Variants in PIK3CG observed in about 807,000 individuals in gnomAD.
PIK3CG encodes the protein phosphatidylinositol-4,5-bisphosphate 3-kinase catalytic subunit gamma.
Under a neutral mutation model 102.3 loss-of-function variants are expected in PIK3CG, and 55 were observed. The observed-to-expected ratio is 0.54, with a 90% CI of 0.43 to 0.67. The LOEUF (loss-of-function observed/expected upper bound fraction) is 0.67, where lower values mean the gene tolerates loss of function less well. Among genes scored for constraint, PIK3CG ranks in the 30% least tolerant of loss-of-function variants. The pLI, the probability that PIK3CG is intolerant of heterozygous loss-of-function variation, is 0.00. For synonymous variants in PIK3CG, 552 were observed against 540.0 expected, an observed-to-expected ratio of 1.02 and a Z score of -0.31; for missense variants, 1,258 against 1,391.8, an observed-to-expected ratio of 0.90 and a Z score of 1.53.
chr7:106,882,866 T>C (rs1584333742), intron 7 of PIK3CG, 167 bp from the exon 8 acceptor site: 1 of 552,438 alleles, frequency 1.8e-6, no homozygotes. Flanking sequence ...CTTTCCTTTC[T>C]ATTCCTCATA....
In PIK3CG at chr7:106,884,187, C is replaced by G. The variant is rs1470234802; in HGVS notation, c.2793C>G (p.Ser931=). ...FQAAVERFVY[S]CAGYCVATFV... ...CAGCAGTGGAGAGATTTGTTTATTCCTGTGCAGGCTACTGTGTGGCAACCT... is the reference window on the plus strand; with the variant it reads ...CAGCAGTGGAGAGATTTGTTTATTCGTGTGCAGGCTACTGTGTGGCAACCT... The change falls in exon 9 of 11, where the codon TCC becomes TCG. Residue 931 remains serine, a synonymous_variant. Transcript: ENST00000496166. This position sits in a 1 kb window ranked among gnomAD's most constrained non-coding sequence, Gnocchi z 4.2. 1 of 1,613,228 alleles carries G rather than the reference C, an allele frequency of 6.2e-7. No homozygotes were observed. Among genetic ancestry groups the G allele is most frequent in the Admixed American group, 1.7e-5 (1 of 59,972 alleles).
intron 7 of PIK3CG, chr7:106,882,509 C>G (rs1468120451): frequency 4.5e-6 from 1 of 221,738 alleles, no homozygotes; most frequent in Non-Finnish European, 8.7e-6. Context: ...AAACTTTTCT[C>G]TCACAAAAAA....
rs778022267 is a variant in PIK3CG at position 106,867,829 on chromosome 7, C to A, written c.268C>A (p.Arg90=). Reference sequence around the variant, plus strand: ...CAGCGTGGCGGCGGACTTCTACCACCGGCTGGGACCGCATCACTTCCTCCT... The same window carrying A: ...CAGCGTGGCGGCGGACTTCTACCACAGGCTGGGACCGCATCACTTCCTCCT... ...ETSVAADFYH[R]LGPHHFLLLY... The change falls in exon 2 of 11, where the codon CGG becomes AGG. Residue 90 remains arginine, a synonymous_variant. Transcript: ENST00000496166. This position sits in a 1 kb window ranked among gnomAD's most constrained non-coding sequence, Gnocchi z 5.1. The A allele has an allele frequency of 2.5e-6, 4 of 1,612,348 alleles. No individual in the cohort carries two copies. In the Admixed American group the frequency reaches 6.7e-5, roughly 27 times the overall value.
At position 106,903,609 on chromosome 7, in the gene PIK3CG, C is replaced by T. The variant is rs144961406; in HGVS notation, c.3031-1500C>T. On this transcript the variant is annotated intron_variant, in intron 10 of 10. Transcript: ENST00000496166. This position sits in a 1 kb window ranked among gnomAD's most constrained non-coding sequence, Gnocchi z 4.3. ...GCATTTTACTTTCCAACTTGTGGAT[C>T]CTATTTACAGCATTCTATTTATTAA... Among the ~76,000 whole-genome samples, 264 of 151,896 alleles carry T rather than the reference C, an allele frequency of 1.7e-3. 3 individuals carry two copies. Among genetic ancestry groups the T allele is most frequent in the African/African-American group, 5.9e-3 (244 of 41,490 alleles).
chr7:106,889,180 C>G (rs1281420198), intron 10 of PIK3CG, among the ~76,000 whole-genome samples: 1 of 152,124 alleles, frequency 6.6e-6, no homozygotes, highest in African/African-American at 2.4e-5. Flanking sequence ...CTTCCCCTTC[C>G]CCAACCCCTC....
rs1248449473 is a variant in PIK3CG, at chr7:106,872,997, T to G, written c.2287+59T>G. The G allele has an allele frequency of 2.5e-6, 3 of 1,200,922 alleles. No homozygotes were observed. The highest frequency in any genetic ancestry group is 3.7e-6 in the Non-Finnish European group (3 of 813,118). The allele number at this position is 1,200,922 out of a possible 1,614,324, so 74.4% of individuals were successfully genotyped here. On this transcript the variant is annotated intron_variant, in intron 4 of 10. Coordinates refer to ENST00000496166, the MANE Select transcript of PIK3CG (RefSeq NM_001282426.2). The surrounding 1 kb of genome is among the most constrained non-coding windows in gnomAD (Gnocchi z 5.3). ...AAATGCCTTCATCTCCAAATGCCAT[T>G]GTTCCTATAATTCTTTTTCTTCCTG...
At position 106,896,141 on chromosome 7, in the gene PIK3CG, T is replaced by C. The variant is rs185236364; in HGVS notation, c.3031-8968T>C. ...AATTCTTTATGTGAGTGAAATAGCCTTCGAGAAAAGCAGGACAGTTATTTC... is the reference window on the plus strand; with the variant it reads ...AATTCTTTATGTGAGTGAAATAGCCCTCGAGAAAAGCAGGACAGTTATTTC... On this transcript the variant is annotated intron_variant, in intron 10 of 10. Transcript: ENST00000496166. Among the ~76,000 whole-genome samples the C allele has an allele frequency of 2.6e-5, 4 of 152,342 alleles. No homozygotes were observed. The East Asian group carries it at 7.7e-4, about 29-fold the overall frequency.
chr7:106,904,792 C>A (rs1791645886), intron 10 of PIK3CG, among the ~76,000 whole-genome samples: 1 of 152,154 alleles, frequency 6.6e-6, no homozygotes, highest in Non-Finnish European at 1.5e-5. Flanking sequence ...CATTGCTCTT[C>A]AGAAATTACA....
In PIK3CG at chr7:106,869,509, A is replaced by G. The variant is rs961738413; in HGVS notation, c.1948A>G (p.Ser650Gly). 6.2e-7 allele frequency: 1 copy of G among 1,613,850 alleles called. No homozygotes were observed. Among genetic ancestry groups the G allele is most frequent in the Non-Finnish European group, 8.5e-7 (1 of 1,179,912 alleles). ...VRAIAVQKLE[S>G]LEDDDVLHYL... ...AGCCATTGCAGTTCAGAAACTGGAG[A>G]GCTTGGAGGACGATGATGTTCTGCA... The change falls in exon 2 of 11, where the codon AGC (serine) becomes GGC (glycine). Residue 650 changes from serine (S) to glycine (G), a missense_variant. Coordinates refer to ENST00000496166, the MANE Select transcript of PIK3CG (RefSeq NM_001282426.2). This position sits in a 1 kb window ranked among gnomAD's most constrained non-coding sequence, Gnocchi z 5.3.
intron 10 of PIK3CG, among the ~76,000 whole-genome samples, chr7:106,889,184 A>G (rs770571037): frequency 8.6e-5 from 13 of 151,438 alleles, no homozygotes; most frequent in Non-Finnish European, 1.9e-4. Flanking sequence ...CCCTTCCCCA[A>G]CCCCTCTCTG....
chr7:106,884,579 G>C lies in PIK3CG; in HGVS notation c.2872+313G>C, dbSNP rs1791031870. ...GGACACTGGTGCTTCAGTTACTCTA[G>C]AGCAGTGGCCCCCAACCTCTTTGGC... On this transcript the variant is annotated intron_variant, in intron 9 of 10. Transcript: ENST00000496166. The surrounding 1 kb of genome is among the most constrained non-coding windows in gnomAD (Gnocchi z 4.2). Among the ~76,000 whole-genome samples, 2 of 152,006 alleles carry C rather than the reference G, an allele frequency of 1.3e-5. No homozygotes were observed. The highest frequency in any genetic ancestry group is 1.5e-5 in the Non-Finnish European group (1 of 67,978).
At position 106,867,748 on chromosome 7, in the gene PIK3CG, G is replaced by T. The variant is rs373644334; in HGVS notation, c.187G>T (p.Gly63Cys). ...CGAAACGGCGCTGCTGCACGTGGCC[G>T]GCCACGGCAACGTGGAGCAGATGAA... ...SPETALLHVA[G>C]HGNVEQMKAQ... Residue 63 changes from glycine to cysteine, a missense_variant, in exon 2 of 11, where the codon GGC becomes TGC. This residue lies in a region of PIK3CG where 832 missense variants were observed against 787.5 expected (regional missense o/e 1.06). Coordinates refer to ENST00000496166, the MANE Select transcript of PIK3CG (RefSeq NM_001282426.2). This position sits in a 1 kb window ranked among gnomAD's most constrained non-coding sequence, Gnocchi z 5.1. The T allele has an allele frequency of 2.5e-6, 4 of 1,612,926 alleles. No homozygotes were observed. In the East Asian group the frequency reaches 8.9e-5, roughly 36 times the overall value.
At chr7:106,885,493 A>T (rs1338501678) in intron 9 of PIK3CG, among the ~76,000 whole-genome samples, 2 of 152,214 alleles carry the variant, frequency 1.3e-5, no homozygotes, top group Non-Finnish European at 2.9e-5. Flanking sequence ...TGGAAAAGGC[A>T]TCAGATGGGG....
rs2116440976 is a variant in PIK3CG at position 106,868,454 on chromosome 7, A to G, written c.893A>G (p.Lys298Arg). ...TTCCAGTGGGTGAGGCACTGCCTCA[A>G]GAACGGAGAAGAGATTCACGTGGTA... Reference protein sequence around the residue: ...KNFQWVRHCLKNGEEIHVVLD... With the variant: ...KNFQWVRHCLRNGEEIHVVLD... The change falls in exon 2 of 11, where the codon AAG (lysine) becomes AGG (arginine). Residue 298 changes from lysine (K) to arginine (R), a missense_variant. Around this residue, in one of 2 missense-constraint regions of PIK3CG, gnomAD observed 832 missense variants for 787.5 expected, o/e 1.06. Coordinates refer to ENST00000496166, the MANE Select transcript of PIK3CG (RefSeq NM_001282426.2). This position sits in a 1 kb window ranked among gnomAD's most constrained non-coding sequence, Gnocchi z 6.2. 1.2e-6 allele frequency: 2 copies of G among 1,614,226 alleles called. No individual in the cohort carries two copies. Among genetic ancestry groups the G allele is most frequent in the Non-Finnish European group, 1.7e-6 (2 of 1,180,040 alleles).
At position 106,892,416 on chromosome 7, in the gene PIK3CG, G is replaced by A. The variant is rs1210919130; in HGVS notation, c.3030+6124G>A. Among the ~76,000 whole-genome samples the A allele has an allele frequency of 1.3e-5, 2 of 152,226 alleles. No homozygotes were observed. Among genetic ancestry groups the A allele is most frequent in the South Asian group, 2.1e-4 (1 of 4,832 alleles). ...TACTACAGTTTAGGCACCGTGCCAG[G>A]CATAAAGAAGGATCAGGTACTGCCT... On this transcript the variant is annotated intron_variant, in intron 10 of 10. Coordinates refer to ENST00000496166, the MANE Select transcript of PIK3CG (RefSeq NM_001282426.2). The surrounding 1 kb of genome is among the most constrained non-coding windows in gnomAD (Gnocchi z 5.2).
chr7:106,868,049 C>T lies in PIK3CG; in HGVS notation c.488C>T (p.Thr163Ile), dbSNP rs1224069164. The T allele has an allele frequency of 1.2e-6, 2 of 1,612,752 alleles. No homozygotes were observed. Among genetic ancestry groups the T allele is most frequent in the Non-Finnish European group, 1.7e-6 (2 of 1,179,260 alleles). Reference sequence around the variant, plus strand: ...ACGGCGCTGATTGGCTATGACGTCACTGACGTCAGCAACGTGCACGACGAT... The same window carrying T: ...ACGGCGCTGATTGGCTATGACGTCATTGACGTCAGCAACGTGCACGACGAT... Reference protein sequence around the residue: ...QLTALIGYDVTDVSNVHDDEL... With the variant: ...QLTALIGYDVIDVSNVHDDEL... The change falls in exon 2 of 11, where the codon ACT (threonine) becomes ATT (isoleucine). Residue 163 changes from threonine (T) to isoleucine (I), a missense_variant. Transcript: ENST00000496166. The surrounding 1 kb of genome is among the most constrained non-coding windows in gnomAD (Gnocchi z 6.2).
At position 106,867,622 on chromosome 7, in the gene PIK3CG, C is replaced by G. The variant is rs771734598; in HGVS notation, c.61C>G (p.Arg21Gly). Residue 21 changes from arginine to glycine, a missense_variant, in exon 2 of 11, where the codon CGG (arginine) becomes GGG (glycine). Transcript: ENST00000496166. The surrounding 1 kb of genome is among the most constrained non-coding windows in gnomAD (Gnocchi z 5.1). ...GAGAGAGGACAACTGCCGAAGGCGC[C>G]GGAGGATGAAGCCGCGCAGTGCTGC... is the stretch of plus-strand genomic sequence containing the variant. ...VLREDNCRRRRRMKPRSAAAS... is the reference protein window; with the variant it reads ...VLREDNCRRRGRMKPRSAAAS... 1.2e-6 allele frequency: 2 copies of G among 1,611,456 alleles called. No homozygotes were observed. The highest frequency in any genetic ancestry group is 1.7e-6 in the Non-Finnish European group (2 of 1,179,066).
Position 106,908,181 on chromosome 7 carries a change from T to G in PIK3CG, c.*2794T>G, listed in dbSNP as rs1408712342. On this transcript the variant is annotated 3_prime_UTR_variant, in exon 11 of 11. Coordinates refer to ENST00000496166, the MANE Select transcript of PIK3CG (RefSeq NM_001282426.2). This position sits in a 1 kb window ranked among gnomAD's most constrained non-coding sequence, Gnocchi z 4.1. ...AACAGTGAAAATGCAGTCCCATCAT[T>G]CAAAAATTATTAAGAAATTCGAGAT... is the stretch of plus-strand genomic sequence containing the variant. 6.6e-6 allele frequency among the ~76,000 whole-genome samples: 1 copy of G among 152,098 alleles called. No individual in the cohort carries two copies. The highest frequency in any genetic ancestry group is 6.6e-5 in the Admixed American group (1 of 15,260).
rs1297603558 is a variant in PIK3CG, at chr7:106,868,044, C to T, written c.483C>T (p.Asp161=). 3.1e-6 allele frequency: 5 copies of T among 1,612,478 alleles called. No homozygotes were observed. The highest frequency in any genetic ancestry group is 4.2e-6 in the Non-Finnish European group (5 of 1,179,228). Residue 161 remains aspartate, a synonymous_variant, in exon 2 of 11, where the codon GAC becomes GAT. Transcript: ENST00000496166. The surrounding 1 kb of genome is among the most constrained non-coding windows in gnomAD (Gnocchi z 6.2). ...AGCTCACGGCGCTGATTGGCTATGA[C>T]GTCACTGACGTCAGCAACGTGCACG... is the stretch of plus-strand genomic sequence containing the variant. ...QRQLTALIGY[D]VTDVSNVHDD...
Sources: allele counts gnomAD v4.1 joint callset (sites outside exome capture counted in the v4.1 genomes callset), GRCh38; gene constraint gnomAD v4.1.1; regional missense constraint gnomAD v4.1.1; non-coding constraint Gnocchi (gnomAD v3.1); transcripts MANE v1.5; gene names NCBI Gene and HGNC (gene_info 2026-07-23, HGNC 2026-07-21).